ROBO1: variants seen among roughly 807,000 people sequenced by gnomAD.
ROBO1 encodes the protein roundabout guidance receptor 1, also known as roundabout homolog 1.
ROBO1 carries 149 observed loss-of-function variants against 195.9 expected under a neutral mutation model. The ratio of observed to expected loss-of-function variants is 0.76; its 90% CI spans 0.67 to 0.87. ROBO1 has a LOEUF of 0.87. Ranked by LOEUF, ROBO1 falls within the 40% of genes least tolerant of loss-of-function variation. ROBO1 has a pLI of 0.00. For synonymous variants in ROBO1, 816 were observed against 733.2 expected (o/e 1.11, Z -1.82); for missense variants, 1,933 against 2,068.3 (o/e 0.93, Z 1.27).
intron 1 of ROBO1, among the ~76,000 whole-genome samples, chr3:79,750,648 G>A (rs58858646): frequency 0.38 from 58,346 of 151,976 alleles, 11,461 homozygotes; most frequent in East Asian, 0.44. Flanking sequence ...TTAAAAATGG[G>A]AGTTTGCCTG....
In ROBO1 at chr3:78,711,403, CTTTCTTTCTTT is replaced by C. The variant is rs2081726383; in HGVS notation, c.1045+2983_1045+2993del. On this transcript the variant is annotated intron_variant, in intron 8 of 30. Transcript: ENST00000464233. ...CCTTCCTTCCTTCCTTCCTTCCTTT[CTTTCTTTCTTT>C]CTTTCTTTCTTTCTTTCTTTCTTTC... Among the ~76,000 whole-genome samples, 25 of 56,748 alleles carry C rather than the reference CTTTCTTTCTTT, an allele frequency of 4.4e-4. 1 individual carries two copies. Among genetic ancestry groups the C allele is most frequent in the East Asian group, 8.3e-4 (2 of 2,412 alleles). The allele number at this position is 56,748 out of a possible 152,430, so 37.2% of individuals were successfully genotyped here. A position where few individuals can be genotyped will look rare whatever the true frequency, so the allele number is the denominator to read the frequency against.
rs182416693 is a variant in ROBO1, at chr3:78,603,781, A to T, written c.4744+2952T>A. Among the ~76,000 whole-genome samples, 498 of 152,278 alleles carry T rather than the reference A, an allele frequency of 3.3e-3. 1 individual carries two copies. Among genetic ancestry groups the T allele is most frequent in the African/African-American group, 0.011 (473 of 41,564 alleles). ...CATATATACATAGGGTTATGATCCAAATAAAAATTTGGAAAAGCAGAGCAT... is the reference window on the plus strand; with the variant it reads ...CATATATACATAGGGTTATGATCCATATAAAAATTTGGAAAAGCAGAGCAT... On this transcript the variant is annotated intron_variant, in intron 29 of 30. Coordinates refer to ENST00000464233, the MANE Select transcript of ROBO1 (RefSeq NM_002941.4).
intron 1 of ROBO1, among the ~76,000 whole-genome samples, chr3:79,645,152 C>A (rs1286438145): frequency 1.3e-5 from 2 of 151,900 alleles, no homozygotes; most frequent in African/African-American, 2.4e-5. Flanking sequence ...CCTCAGGGAC[C>A]TAGAAAAGCA....
At chr3:78,726,039 C>A (rs1382349807) in intron 5 of ROBO1, among the ~76,000 whole-genome samples, 1 of 151,876 alleles carries the variant, frequency 6.6e-6, no homozygotes, top group Non-Finnish European at 1.5e-5. Context: ...TACACAAATT[C>A]TTTTCTGCTT....
At chr3:78,883,972 T>C (rs2036344282) in intron 4 of ROBO1, among the ~76,000 whole-genome samples, 1 of 152,184 alleles carries the variant, frequency 6.6e-6, no homozygotes, top group Admixed American at 6.6e-5. Context: ...GAGAGCCTGA[T>C]GCAGCCCTCA....
At chr3:79,006,093 T>C (rs1021589746) in intron 3 of ROBO1, among the ~76,000 whole-genome samples, 1 of 152,178 alleles carries the variant, frequency 6.6e-6, no homozygotes, top group African/African-American at 2.4e-5. Flanking sequence ...TCTCTTCTTA[T>C]TCAAGAATAT....
intron 2 of ROBO1, among the ~76,000 whole-genome samples, chr3:79,264,375 C>G (rs1313975088): frequency 6.6e-6 from 1 of 151,792 alleles, no homozygotes; most frequent in Admixed American, 6.6e-5. Flanking sequence ...ACCTTTTCTT[C>G]TCACCTAAGT....
At chr3:78,672,988 C>A (rs989697751) in intron 10 of ROBO1, among the ~76,000 whole-genome samples, 4 of 152,176 alleles carry the variant, frequency 2.6e-5, no homozygotes, top group African/African-American at 7.2e-5. Flanking sequence ...CAGTAGCCAA[C>A]AGCACCAAGT....
At chr3:79,102,060 G>A (rs1304435774) in intron 3 of ROBO1, among the ~76,000 whole-genome samples, 1 of 151,634 alleles carries the variant, frequency 6.6e-6, no homozygotes, top group Admixed American at 6.6e-5. Context: ...ATGTTGATCA[G>A]TATTTGTACA....
intron 2 of ROBO1, among the ~76,000 whole-genome samples, chr3:79,562,719 G>A (rs7625826): frequency 0.24 from 36,278 of 151,636 alleles, 4,910 homozygotes; most frequent in African/African-American, 0.36. Context: ...ATTATTTTTC[G>A]TTATTTTTAC....
chr3:79,298,087 T>C (rs1302965766), intron 2 of ROBO1, among the ~76,000 whole-genome samples: 3 of 152,154 alleles, frequency 2.0e-5, no homozygotes, highest in Non-Finnish European at 2.9e-5. Flanking sequence ...TGATAATGAA[T>C]TGACTATATA....
intron 1 of ROBO1, among the ~76,000 whole-genome samples, chr3:79,665,720 A>G (rs560043755): frequency 7.2e-4 from 109 of 152,076 alleles, no homozygotes; most frequent in African/African-American, 2.5e-3. Context: ...TGAGAAAAGT[A>G]TTTCCAAAAT....
intron 10 of ROBO1, among the ~76,000 whole-genome samples, chr3:78,676,960 G>T (rs1188107136): frequency 6.6e-6 from 1 of 152,198 alleles, no homozygotes; most frequent in Non-Finnish European, 1.5e-5. Context: ...AAGACCATCA[G>T]ACTAACAGCG....
At chr3:79,266,452 C>A (rs1381310406) in intron 2 of ROBO1, among the ~76,000 whole-genome samples, 3 of 151,480 alleles carry the variant, frequency 2.0e-5, no homozygotes, top group African/African-American at 7.3e-5. Flanking sequence ...TCCTTCTTAG[C>A]TACAGAATAC....
At chr3:79,735,893 A>T (rs905030340) in intron 1 of ROBO1, among the ~76,000 whole-genome samples, 1 of 151,958 alleles carries the variant, frequency 6.6e-6, no homozygotes, top group African/African-American at 2.4e-5. Context: ...AAAACAAAAA[A>T]AAAACAAAAA....
chr3:78,612,850 G>A (rs184423188), intron 28 of ROBO1, among the ~76,000 whole-genome samples: 24 of 152,106 alleles, frequency 1.6e-4, no homozygotes, highest in African/African-American at 5.1e-4. Flanking sequence ...TCACTTTTGC[G>A]GAATGAGCAA....
intron 3 of ROBO1, among the ~76,000 whole-genome samples, chr3:78,971,622 C>T (rs1383654616): frequency 6.6e-6 from 1 of 152,230 alleles, no homozygotes; most frequent in Non-Finnish European, 1.5e-5. Context: ...TGATATACCT[C>T]TAACCTGCCT....
chr3:78,979,399 A>G (rs1310941831), intron 3 of ROBO1, among the ~76,000 whole-genome samples: 1 of 152,202 alleles, frequency 6.6e-6, no homozygotes, highest in Non-Finnish European at 1.5e-5. Flanking sequence ...ATACACTAAT[A>G]AGGCAACAAA....
intron 2 of ROBO1, among the ~76,000 whole-genome samples, chr3:79,286,985 C>T (rs1329827141): frequency 2.0e-5 from 3 of 152,082 alleles, no homozygotes; most frequent in African/African-American, 7.2e-5. Context: ...TCTGCATCAT[C>T]CTTTGCATGC....
Sources: gnomAD v4.1 joint callset for allele counts (sites outside exome capture counted in the v4.1 genomes callset) on GRCh38, gnomAD v4.1.1 for gene constraint, MANE v1.5 for transcripts, NCBI Gene and HGNC (gene_info 2026-07-23, HGNC 2026-07-21) for gene names.